The following DHRSX variants were observed in gnomAD, a reference collection of about 807,000 sequenced individuals.
DHRSX encodes the protein dehydrogenase/reductase X-linked, also known as polyprenol dehydrogenase.
A neutral mutation model predicts 34.0 loss-of-function variants in DHRSX; 31 were observed. The observed-to-expected ratio is 0.91, with a 90% CI of 0.69 to 1.23. DHRSX has a LOEUF of 1.23. DHRSX is among the 50% of genes most tolerant of loss of function. The pLI is 0.00. For missense variants in DHRSX, 414 were observed against 428.1 expected, an observed-to-expected ratio of 0.97 and a Z score of 0.29; for synonymous variants, 201 against 183.8, an observed-to-expected ratio of 1.09 and a Z score of -0.76.
intron 3 of DHRSX, among the ~76,000 whole-genome samples, chrX:2,365,249 C>T (rs1351925052): frequency 2.0e-5 from 3 of 152,164 alleles, no homozygotes; most frequent in Non-Finnish European, 4.4e-5. Flanking sequence ...AATAAATTCT[C>T]CTGCCTCAGC....
intron 1 of DHRSX, among the ~76,000 whole-genome samples, chrX:2,472,254 C>T (rs73179238): frequency 0.21 from 31,735 of 151,692 alleles, 4,512 homozygotes; most frequent in African/African-American, 0.4. Flanking sequence ...CCACCTGTTC[C>T]CACTGATAAG....
rs1357827255 is a variant in DHRSX, at chrX:2,248,613, C to CAAAAA, written c.597-5388_597-5384dup. ...GGGCGACAAGAGCAAGACTCTGTCT[C>CAAAAA]AAAAAAAAAAAAAGAAAAAGAAAAG... On this transcript the variant is annotated intron_variant, in intron 5 of 6. Transcript: ENST00000334651. Among the ~76,000 whole-genome samples the CAAAAA allele has an allele frequency of 2.4e-3, 42 of 17,516 alleles. 2 individuals are homozygous for CAAAAA. Among genetic ancestry groups the CAAAAA allele is most frequent in the African/African-American group, 5.8e-3 (42 of 7,210 alleles). 11.5% of individuals were successfully genotyped at this position (17,516 alleles called of 152,430 possible).
intron 3 of DHRSX, among the ~76,000 whole-genome samples, chrX:2,321,420 CAT>C (rs1458717916): frequency 1.3e-5 from 2 of 152,084 alleles, no homozygotes; most frequent in African/African-American, 4.8e-5. Context: ...CCCCGAATCT[CAT>C]GTGTGGAAAC....
chrX:2,403,515 C>T (rs759272776), intron 3 of DHRSX, among the ~76,000 whole-genome samples: 3 of 152,284 alleles, frequency 2.0e-5, no homozygotes, highest in East Asian at 3.9e-4. Flanking sequence ...ACTTTAAAAA[C>T]TGATGATCGA....
chrX:2,488,685 C>G, intron 1 of DHRSX: 1 of 1,613,354 alleles, frequency 6.2e-7, no homozygotes, highest in Non-Finnish European at 8.5e-7. Flanking sequence ...CTGACGCCAT[C>G]CCCCAAGGAG....
intron 3 of DHRSX, among the ~76,000 whole-genome samples, chrX:2,360,085 T>C (rs1439997839): frequency 1.3e-5 from 2 of 152,196 alleles, no homozygotes; most frequent in East Asian, 3.9e-4. Context: ...TTAAAAATTA[T>C]GGAAGTTTGA....
chrX:2,407,952 T>C (rs1473036715), intron 3 of DHRSX, among the ~76,000 whole-genome samples: 1 of 151,928 alleles, frequency 6.6e-6, no homozygotes, highest in Non-Finnish European at 1.5e-5. Context: ...AAATAATAAA[T>C]AAATAAAAGG....
chrX:2,436,778 T>C (rs1437870189), intron 1 of DHRSX, among the ~76,000 whole-genome samples: 1 of 151,890 alleles, frequency 6.6e-6, no homozygotes, highest in African/African-American at 2.4e-5. Context: ...ACTACAGGTG[T>C]GTGCCACCAT....
intron 3 of DHRSX, among the ~76,000 whole-genome samples, chrX:2,361,611 T>C (rs2042935170): frequency 6.6e-6 from 1 of 152,116 alleles, no homozygotes; most frequent in East Asian, 1.9e-4. Flanking sequence ...GCCCAAGTAT[T>C]AGAGGGACAA....
chrX:2,444,749 G>T (rs2044106424), intron 1 of DHRSX, among the ~76,000 whole-genome samples: 1 of 151,970 alleles, frequency 6.6e-6, no homozygotes, highest in Non-Finnish European at 1.5e-5. Flanking sequence ...GTGGGAGCAT[G>T]GCTTGAGTCC....
intron 5 of DHRSX, among the ~76,000 whole-genome samples, chrX:2,251,939 A>G (rs1293023791): frequency 6.6e-6 from 1 of 152,016 alleles, no homozygotes; most frequent in Non-Finnish European, 1.5e-5. Flanking sequence ...CTGCATAATA[A>G]AGAGATTGGA....
intron 5 of DHRSX, among the ~76,000 whole-genome samples, chrX:2,248,432 CAAA>C (rs574631590): frequency 1.8e-5 from 2 of 111,076 alleles, no homozygotes; most frequent in Admixed American, 1.0e-4. Flanking sequence ...GACTCTGTCT[CAAA>C]AAAAAAAAGA....
chrX:2,248,627 G>GAAAAAAAAA (rs1199244718), intron 5 of DHRSX, among the ~76,000 whole-genome samples: 1 of 114,722 alleles, frequency 8.7e-6, no homozygotes, highest in African/African-American at 3.7e-5. Flanking sequence ...AAAAAAAAAA[G>GAAAAAAAAA]AAAAAGAAAA....
chrX:2,411,172 T>C (rs776911836), intron 2 of DHRSX, among the ~76,000 whole-genome samples: 5 of 152,242 alleles, frequency 3.3e-5, no homozygotes, highest in African/African-American at 1.2e-4. Flanking sequence ...CATGAGCTTA[T>C]TTATGAAATC....
chrX:2,262,745 G>A (rs1320411060), intron 5 of DHRSX, among the ~76,000 whole-genome samples: 1 of 152,186 alleles, frequency 6.6e-6, no homozygotes, highest in Non-Finnish European at 1.5e-5. Flanking sequence ...ATGAAGTCCT[G>A]GCCAGCCTCG....
At chrX:2,300,490 G>C (rs1377382386) in intron 3 of DHRSX, among the ~76,000 whole-genome samples, 1 of 152,110 alleles carries the variant, frequency 6.6e-6, no homozygotes, top group Admixed American at 6.6e-5. Flanking sequence ...TGAGTTAGTG[G>C]GGTGGGAAAG....
chrX:2,256,015 CTTTTTTT>C (rs768032121), intron 5 of DHRSX, among the ~76,000 whole-genome samples: 1 of 139,976 alleles, frequency 7.1e-6, no homozygotes, highest in African/African-American at 2.7e-5. Context: ...ATGTGTCCCT[CTTTTTTT>C]TTTTTTTTTC....
rs1252977971 is a variant in DHRSX, at chrX:2,375,967, G to A, written c.286+32778C>T. 2.2e-5 allele frequency among the ~76,000 whole-genome samples: 3 copies of A among 135,336 alleles called. 1 individual carries two copies. Among genetic ancestry groups the A allele is most frequent in the Non-Finnish European group, 3.5e-5 (2 of 57,238 alleles). 88.8% of individuals were successfully genotyped at this position (135,336 alleles called of 152,430 possible). On this transcript the variant is annotated intron_variant, in intron 3 of 6. Coordinates refer to ENST00000334651, the MANE Select transcript of DHRSX (RefSeq NM_145177.3). ...TTTTAGGAGCATCCCAGCATTCCCC[G>A]GACACAAAATGTGCCTCTCTGTGAT...
chrX:2,341,299 C>G (rs927165663), intron 3 of DHRSX, among the ~76,000 whole-genome samples: 7 of 152,126 alleles, frequency 4.6e-5, no homozygotes, highest in Non-Finnish European at 8.8e-5. Context: ...AGGGAGCTTA[C>G]AAAAGCAGCC....
Sources: gnomAD v4.1 joint callset for allele counts (sites outside exome capture counted in the v4.1 genomes callset) on GRCh38, gnomAD v4.1.1 for gene constraint, MANE v1.5 for transcripts, NCBI Gene and HGNC (gene_info 2026-07-23, HGNC 2026-07-21) for gene names.